The following FBLN5 variants were observed in gnomAD, a reference collection of about 807,000 sequenced individuals.
The protein encoded by FBLN5 is fibulin 5, also known as fibulin-5.
In FBLN5, 24 loss-of-function variants were observed where a neutral mutation model predicts 61.6. The observed-to-expected ratio is 0.39, with a 90% confidence interval of 0.28 to 0.55. The LOEUF (loss-of-function observed/expected upper bound fraction) is 0.55. Among genes scored for constraint, FBLN5 ranks in the 20% least tolerant of loss-of-function variants. The pLI is 0.65. For missense variants in FBLN5, 470 were observed against 594.1 expected, an observed-to-expected ratio of 0.79 and a Z score of 2.17; for synonymous variants, 213 against 219.8, an observed-to-expected ratio of 0.97 and a Z score of 0.27.
At chr14:91,896,579 T>C (rs898456801) in intron 4 of FBLN5, among the ~76,000 whole-genome samples, 1 of 152,098 alleles carries the variant, frequency 6.6e-6, no homozygotes, top group Non-Finnish European at 1.5e-5. Context: ...CAATCCCCAT[T>C]TTACAGATGG....
intron 6 of FBLN5, among the ~76,000 whole-genome samples, chr14:91,888,849 A>G (rs368593051): frequency 2.6e-5 from 4 of 152,142 alleles, no homozygotes; most frequent in Non-Finnish European, 4.4e-5. Flanking sequence ...TGGTTGACCC[A>G]TTGTAAGCAC....
At chr14:91,946,318 T>G (rs2056183194) in intron 1 of FBLN5, among the ~76,000 whole-genome samples, 4 of 151,838 alleles carry the variant, frequency 2.6e-5, no homozygotes, top group African/African-American at 7.2e-5. Context: ...AAAAATGAAC[T>G]AACTATAAGA....
intron 1 of FBLN5, among the ~76,000 whole-genome samples, chr14:91,944,745 T>C (rs2056158053): frequency 6.6e-6 from 1 of 152,178 alleles, no homozygotes; most frequent in South Asian, 2.1e-4. Flanking sequence ...GCACCTAGTG[T>C]AGTCGAAATT....
At chr14:91,908,143 T>A (rs2160080) in intron 4 of FBLN5, among the ~76,000 whole-genome samples, 1 of 152,116 alleles carries the variant, frequency 6.6e-6, no homozygotes, top group Admixed American at 6.6e-5. Flanking sequence ...ACTGACGCAA[T>A]GTACTTCACA....
At chr14:91,935,711 A>G (rs2056003048) in intron 4 of FBLN5, among the ~76,000 whole-genome samples, 1 of 152,196 alleles carries the variant, frequency 6.6e-6, no homozygotes. Context: ...TGGTAAAAAA[A>G]AGTCCCTTCC....
intron 4 of FBLN5, among the ~76,000 whole-genome samples, chr14:91,923,299 C>T (rs1280974602): frequency 6.6e-6 from 1 of 152,210 alleles, no homozygotes; most frequent in Non-Finnish European, 1.5e-5. Flanking sequence ...AACCAGTGTT[C>T]ACAGAATAAA....
At chr14:91,946,987 C>G (rs2056195295) in intron 1 of FBLN5, 22 of 1,479,918 alleles carry the variant, frequency 1.5e-5, no homozygotes, top group Non-Finnish European at 1.4e-5. Flanking sequence ...CTGATGCTGG[C>G]TTTTGAAACT....
chr14:91,895,043 G>A lies in FBLN5; in HGVS notation c.409C>T (p.Gln137Ter). ...DVDECATDSH[Q>*]CNPTQICINT... ...ATGCAGATCTGGGTGGGGTTGCACT[G>A]GTGGGAATCTGTTGCACACTCGTCC... The change falls in exon 5 of 11, where the codon CAG becomes TAG. Residue 137 changes from glutamine to a stop codon, truncating the protein, a stop_gained. Coordinates refer to ENST00000342058, the MANE Select transcript of FBLN5 (RefSeq NM_006329.4). LOFTEE classifies it high-confidence loss of function. 6.2e-7 allele frequency: 1 copy of A among 1,614,142 alleles called. No homozygotes were observed. Among genetic ancestry groups the A allele is most frequent in the Non-Finnish European group, 8.5e-7 (1 of 1,179,984 alleles).
intron 4 of FBLN5, among the ~76,000 whole-genome samples, chr14:91,922,049 G>A (rs1214926196): frequency 1.3e-5 from 2 of 152,168 alleles, no homozygotes; most frequent in Non-Finnish European, 2.9e-5. Context: ...TGTAGTCCCA[G>A]CACTTTGGGA....
chr14:91,935,808 G>T (rs1019039058), intron 4 of FBLN5, among the ~76,000 whole-genome samples: 1 of 152,112 alleles, frequency 6.6e-6, no homozygotes, highest in South Asian at 2.1e-4. Flanking sequence ...CGGACCCTGC[G>T]CTCATTCCCT....
At chr14:91,926,174 G>A (rs867483021) in intron 4 of FBLN5, among the ~76,000 whole-genome samples, 4 of 152,092 alleles carry the variant, frequency 2.6e-5, no homozygotes, top group Admixed American at 2.6e-4. Context: ...CTGAACCCCC[G>A]ACAGCCATGC....
Position 91,904,497 on chromosome 14 carries a change from T to C in FBLN5, c.380-9425A>G, listed in dbSNP as rs534008387. On this transcript the variant is annotated intron_variant, in intron 4 of 10. Coordinates refer to ENST00000342058, the MANE Select transcript of FBLN5 (RefSeq NM_006329.4). Reference sequence around the variant, plus strand: ...GAAAGCAGCCTCAACTTCCAGAAGTTCTAAAATACTATGCGTGTCTTAGTC... The same window carrying C: ...GAAAGCAGCCTCAACTTCCAGAAGTCCTAAAATACTATGCGTGTCTTAGTC... Among the ~76,000 whole-genome samples, 45 of 152,336 alleles carry C rather than the reference T, an allele frequency of 3.0e-4. No individual in the cohort carries two copies. The South Asian group carries it at 8.5e-3, about 29-fold the overall frequency.
chr14:91,911,326 T>C (rs1186728563), intron 4 of FBLN5, among the ~76,000 whole-genome samples: 1 of 152,204 alleles, frequency 6.6e-6, no homozygotes. Context: ...GGTTGTTTAC[T>C]TGCCCCTAAA....
chr14:91,919,465 C>T (rs1308386746), intron 4 of FBLN5, among the ~76,000 whole-genome samples: 1 of 151,094 alleles, frequency 6.6e-6, no homozygotes, highest in Admixed American at 6.6e-5. Context: ...TCAAAAGGGT[C>T]CCCACTGGAG....
intron 7 of FBLN5, among the ~76,000 whole-genome samples, chr14:91,884,654 C>T (rs1889643584): frequency 6.6e-6 from 1 of 152,218 alleles, no homozygotes; most frequent in African/African-American, 2.4e-5. Context: ...CCTCTAGATC[C>T]TACACTTAGA....
At chr14:91,920,703 G>C (rs1361122642) in intron 4 of FBLN5, among the ~76,000 whole-genome samples, 1 of 152,094 alleles carries the variant, frequency 6.6e-6, no homozygotes, top group Non-Finnish European at 1.5e-5. Context: ...CAGCCTTGTG[G>C]TGGTTTATGC....
At chr14:91,936,237 T>C (rs144850794) in intron 4 of FBLN5, among the ~76,000 whole-genome samples, 1 of 152,204 alleles carries the variant, frequency 6.6e-6, no homozygotes, top group East Asian at 1.9e-4. Flanking sequence ...GTAATAAAAC[T>C]TCAATTCATA....
Position 91,904,258 on chromosome 14 carries a change from T to A in FBLN5, c.380-9186A>T, listed in dbSNP as rs527373543. On this transcript the variant is annotated intron_variant, in intron 4 of 10. Transcript: ENST00000342058. Reference sequence around the variant, plus strand: ...ATGAAGATACTTGACTCTAAGACTCTTCCGAAAGCAAGAGGGAAATTCAGT... The same window carrying A: ...ATGAAGATACTTGACTCTAAGACTCATCCGAAAGCAAGAGGGAAATTCAGT... 3.3e-5 allele frequency among the ~76,000 whole-genome samples: 5 copies of A among 152,300 alleles called. No individual in the cohort carries two copies. In the East Asian group the frequency reaches 9.7e-4, roughly 29 times the overall value.
intron 5 of FBLN5, among the ~76,000 whole-genome samples, chr14:91,894,416 A>C (rs1890125832): frequency 7.0e-6 from 1 of 143,716 alleles, no homozygotes; most frequent in African/African-American, 2.6e-5. Context: ...AAAAAAAAAA[A>C]AAAAAAAAAA....
Sources: gnomAD v4.1 joint callset for allele counts (sites outside exome capture counted in the v4.1 genomes callset) on GRCh38, gnomAD v4.1.1 for gene constraint, MANE v1.5 for transcripts, NCBI Gene and HGNC (gene_info 2026-07-23, HGNC 2026-07-21) for gene names.